The following WDR4 variants were observed in gnomAD, a reference collection of about 807,000 sequenced individuals.
The protein encoded by WDR4 is WDR4 tRNA N7-guanosine methyltransferase non-catalytic subunit, also known as tRNA (guanine-N(7)-)-methyltransferase non-catalytic subunit WDR4.
In WDR4, 47 loss-of-function variants were observed where a neutral mutation model predicts 48.6. The observed-to-expected ratio is 0.97, with a 90% CI of 0.77 to 1.23. WDR4 has a LOEUF of 1.23. WDR4 is among the 50% of genes most tolerant of loss of function. The probability of loss-of-function intolerance (pLI) is 0.00; values close to 1 mark genes in which losing one functional copy is unlikely to be tolerated. For missense variants in WDR4, 606 were observed against 551.6 expected (o/e 1.10, Z -0.99); for synonymous variants, 268 against 230.0 (o/e 1.17, Z -1.49).
intron 1 of WDR4, among the ~76,000 whole-genome samples, chr21:42,877,637 T>C (rs2058525808): frequency 6.6e-6 from 1 of 152,148 alleles, no homozygotes; most frequent in Non-Finnish European, 1.5e-5. Context: ...GAGTACGTCA[T>C]ACTGCATAGT....
chr21:42,865,527 G>A (rs578218625), intron 3 of WDR4, among the ~76,000 whole-genome samples: 32 of 152,116 alleles, frequency 2.1e-4, no homozygotes, highest in Non-Finnish European at 3.4e-4. Flanking sequence ...GCACTGCTCC[G>A]CGTCCCTTTG....
the WDR4 span, among the ~76,000 whole-genome samples, chr21:42,891,755 G>A: frequency 1.3e-5 from 2 of 151,736 alleles, no homozygotes; most frequent in South Asian, 2.1e-4. Flanking sequence ...TCAGGAGTTC[G>A]AGACCAGTCT....
chr21:42,848,765 GCGCGCACC>G (rs2057740042), downstream of WDR4, among the ~76,000 whole-genome samples: 1 of 59,298 alleles, frequency 1.7e-5, no homozygotes, highest in East Asian at 5.1e-4. Context: ...CGATCACGCG[GCGCGCACC>G]TCACACAGCA....
At chr21:42,884,800 A>C in the WDR4 span, among the ~76,000 whole-genome samples, 544 of 152,130 alleles carry the variant, frequency 3.6e-3, 1 homozygote, top group South Asian at 7.5e-3. Context: ...TTTTTCCGAC[A>C]GAGTCTCACT....
At chr21:42,848,642 A>T (rs1041191838), downstream of WDR4, among the ~76,000 whole-genome samples, 35 of 69,900 alleles carry the variant, frequency 5.0e-4, 2 homozygotes, top group South Asian at 1.3e-3. Context: ...CGCACCTCAC[A>T]CACACAGCGC....
downstream of WDR4, among the ~76,000 whole-genome samples, chr21:42,847,000 C>T (rs1271667823): frequency 2.6e-5 from 4 of 150,960 alleles, no homozygotes; most frequent in Admixed American, 6.6e-5. Flanking sequence ...ATTGTGCCAC[C>T]GCACTCCAGC....
downstream of WDR4, among the ~76,000 whole-genome samples, chr21:42,847,150 A>G (rs990925892): frequency 9.1e-4 from 138 of 152,244 alleles, no homozygotes; most frequent in Admixed American, 9.8e-4. Context: ...AAATAACGGA[A>G]GAGAGCAGAT....
At chr21:42,846,583 C>T (rs1398210032), downstream of WDR4, among the ~76,000 whole-genome samples, 1 of 152,164 alleles carries the variant, frequency 6.6e-6, no homozygotes, top group Non-Finnish European at 1.5e-5. Context: ...CATAATGGCT[C>T]GTGCCTGTAA....
At chr21:42,864,295 T>C (rs191926674) in intron 3 of WDR4, among the ~76,000 whole-genome samples, 1 of 151,714 alleles carries the variant, frequency 6.6e-6, no homozygotes, top group Admixed American at 6.5e-5. Flanking sequence ...AACGGCCCTC[T>C]CCATAAACGC....
chr21:42,881,270 A>G (rs2058608617), upstream of WDR4, among the ~76,000 whole-genome samples: 1 of 152,196 alleles, frequency 6.6e-6, no homozygotes, highest in South Asian at 2.1e-4. Flanking sequence ...GCCATATTTT[A>G]TTAGCGCCAC....
Position 42,853,678 on chromosome 21 carries a change from T to C in WDR4, c.866A>G (p.Gln289Arg), listed in dbSNP as rs762836535. 1.1e-4 allele frequency: 175 copies of C among 1,586,148 alleles called. No individual in the cohort carries two copies. Among genetic ancestry groups the C allele is most frequent in the Non-Finnish European group, 6.3e-5 (73 of 1,167,186 alleles). The change falls in exon 9 of 11, where the codon CAG (glutamine) becomes CGG (arginine). Residue 289 changes from glutamine to arginine, a missense_variant. By Grantham distance (43) the Gln-to-Arg change is conservative. Transcript: ENST00000398208. ...QLVYRQQLAF[Q>R]HQVWDVAFEE... ...GAAAGCCACGTCCCACACTTGGTGC[T>C]GGAACGCCAGCTGCTGCCTGTACAC...
At position 42,852,235 on chromosome 21, in the gene WDR4, G is replaced by C; in HGVS notation, c.1045+20C>G. The C allele has an allele frequency of 6.2e-7, 1 of 1,613,714 alleles. No individual in the cohort carries two copies. The highest frequency in any genetic ancestry group is 8.5e-7 in the Non-Finnish European group (1 of 1,179,908). On this transcript the variant is annotated intron_variant, in intron 10 of 10. Coordinates refer to ENST00000398208, the MANE Select transcript of WDR4 (RefSeq NM_018669.6). ...GCGCTGGGTGTGACCCCCAAGGGCA[G>C]CCTGCACCCGTGCTCTCACCTTCCA... is the stretch of plus-strand genomic sequence containing the variant.
chr21:42,866,644 C>T (rs979665698), intron 3 of WDR4, among the ~76,000 whole-genome samples: 1 of 152,058 alleles, frequency 6.6e-6, no homozygotes, highest in African/African-American at 2.4e-5. Context: ...TCCACTCACC[C>T]TAGTCCTCTC....
intron 6 of WDR4, among the ~76,000 whole-genome samples, chr21:42,859,143 G>A (rs2058058188): frequency 6.6e-6 from 1 of 152,054 alleles, no homozygotes; most frequent in South Asian, 2.1e-4. Context: ...CCCGGGTGCG[G>A]GCGCTCGAGC....
chr21:42,859,250 A>C (rs1009072452), intron 6 of WDR4, among the ~76,000 whole-genome samples: 1 of 152,090 alleles, frequency 6.6e-6, no homozygotes, highest in African/African-American at 2.4e-5. Context: ...CCATCTTAAA[A>C]AAAAAGAAAG....
At chr21:42,892,995 G>A in the WDR4 span, among the ~76,000 whole-genome samples, 2 of 152,264 alleles carry the variant, frequency 1.3e-5, no homozygotes, top group East Asian at 1.9e-4. Flanking sequence ...GGGTGGACAT[G>A]CAAGCCGGCC....
At chr21:42,892,196 A>G in the WDR4 span, among the ~76,000 whole-genome samples, 1 of 149,356 alleles carries the variant, frequency 6.7e-6, no homozygotes, top group Non-Finnish European at 1.5e-5. Context: ...GGAGCTTGCA[A>G]TGAGCCAAGA....
intron 2 of WDR4, 112 bp from the exon 3 acceptor site, chr21:42,873,803 G>A: frequency 7.8e-7 from 1 of 1,277,280 alleles, no homozygotes; most frequent in Non-Finnish European, 1.1e-6. Flanking sequence ...ACTGTTAAGG[G>A]GATCACGTAG....
chr21:42,861,078 G>A (rs1378232317), intron 5 of WDR4, among the ~76,000 whole-genome samples: 8 of 152,112 alleles, frequency 5.3e-5, no homozygotes, highest in Non-Finnish European at 1.2e-4. Context: ...GTGGGAGGCC[G>A]AGGCGGGCGA....
Sources: gnomAD v4.1 joint callset for allele counts (sites outside exome capture counted in the v4.1 genomes callset) on GRCh38, gnomAD v4.1.1 for gene constraint, MANE v1.5 for transcripts, NCBI Gene and HGNC (gene_info 2026-07-23, HGNC 2026-07-21) for gene names.